CCDC91: variants seen among roughly 807,000 people sequenced by gnomAD.
CCDC91 encodes coiled-coil domain containing 91, also known as coiled-coil domain-containing protein 91.
Under a neutral mutation model 63.2 loss-of-function variants are expected in CCDC91, and 48 were observed. The observed-to-expected ratio is 0.76, with a 90% CI of 0.60 to 0.97. The LOEUF (loss-of-function observed/expected upper bound fraction) is 0.97. CCDC91 is among the 50% of genes least tolerant of loss of function. The pLI is 0.00. For synonymous variants in CCDC91, 167 were observed against 165.8 expected, an observed-to-expected ratio of 1.01 and a Z score of -0.06; for missense variants, 500 against 494.6, an observed-to-expected ratio of 1.01 and a Z score of -0.10.
Position 28,431,289 on chromosome 12 carries a change from A to G in CCDC91, c.763-18872A>G, listed in dbSNP as rs185607155. Among the ~76,000 whole-genome samples the G allele has an allele frequency of 7.2e-5, 11 of 152,200 alleles. 1 individual carries two copies. Among genetic ancestry groups the G allele is most frequent in the African/African-American group, 2.6e-4 (11 of 41,558 alleles). On this transcript the variant is annotated intron_variant, in intron 8 of 12. Coordinates refer to ENST00000536442, the MANE Select transcript of CCDC91 (RefSeq NM_018318.5). ...CATTTTGTTAACATACTGATTTTCC[A>G]TTGCTTGATCCATTGATTATTGAGA...
chr12:28,228,782 G>T (rs568407322), intron 1 of CCDC91, among the ~76,000 whole-genome samples: 1 of 152,084 alleles, frequency 6.6e-6, no homozygotes, highest in African/African-American at 2.4e-5. Flanking sequence ...AAACATGTTA[G>T]GTTAAAAGAA....
chr12:28,431,195 G>T lies in CCDC91; in HGVS notation c.763-18966G>T, dbSNP rs78656586. On this transcript the variant is annotated intron_variant, in intron 8 of 12. Transcript: ENST00000536442. Reference sequence around the variant, plus strand: ...TAAATGTTTCACATATGTTTGAAAAGAATGTATATTCTCCAACTGTTGGTT... The same window carrying T: ...TAAATGTTTCACATATGTTTGAAAATAATGTATATTCTCCAACTGTTGGTT... Among the ~76,000 whole-genome samples the T allele has an allele frequency of 2.6e-5, 4 of 152,188 alleles. No homozygotes were observed. The South Asian group carries it at 8.3e-4, about 32-fold the overall frequency.
At chr12:28,299,461 G>A (rs11049514) in intron 3 of CCDC91, among the ~76,000 whole-genome samples, 27,825 of 151,312 alleles carry the variant, frequency 0.18, 3,365 homozygotes, top group Non-Finnish European at 0.27. Flanking sequence ...ATGTGATCAG[G>A]TTATTCATTT....
At chr12:28,501,425 G>C (rs372904744) in intron 12 of CCDC91, among the ~76,000 whole-genome samples, 1 of 151,920 alleles carries the variant, frequency 6.6e-6, no homozygotes, top group Non-Finnish European at 1.5e-5. Flanking sequence ...AAGGGTTGTT[G>C]AATTTTGTCA....
At chr12:28,190,999 A>G (rs1350748345) in intron 1 of CCDC91, among the ~76,000 whole-genome samples, 1 of 152,240 alleles carries the variant, frequency 6.6e-6, no homozygotes, top group Admixed American at 6.5e-5. Flanking sequence ...TGCTTAGATT[A>G]CACAGAACGC....
At chr12:28,356,536 A>G (rs1273336654) in intron 6 of CCDC91, among the ~76,000 whole-genome samples, 2 of 152,124 alleles carry the variant, frequency 1.3e-5, no homozygotes, top group African/African-American at 4.8e-5. Context: ...CTTGCCCCAC[A>G]GATTTCCTTT....
intron 12 of CCDC91, among the ~76,000 whole-genome samples, chr12:28,486,961 CAAT>C (rs1388116056): frequency 1.3e-5 from 2 of 151,932 alleles, no homozygotes; most frequent in Non-Finnish European, 2.9e-5. Flanking sequence ...AGTAAGGACT[CAAT>C]AAATATGTGT....
chr12:28,304,411 A>AAAAAAAAAAAAAAAAAAAG, intron 3 of CCDC91, among the ~76,000 whole-genome samples: 1 of 141,720 alleles, frequency 7.1e-6, no homozygotes, highest in Non-Finnish European at 1.6e-5. Flanking sequence ...AGAAAAAAAA[A>AAAAAAAAAAAAAAAAAAAG]AAAAGAAAAA....
chr12:28,459,666 T>G (rs1287071706), intron 11 of CCDC91, among the ~76,000 whole-genome samples: 1 of 152,218 alleles, frequency 6.6e-6, no homozygotes, highest in African/African-American at 2.4e-5. Flanking sequence ...ATAATTACTT[T>G]CAGCTTCAGA....
At chr12:28,415,389 A>G (rs747057078) in intron 8 of CCDC91, among the ~76,000 whole-genome samples, 4 of 151,804 alleles carry the variant, frequency 2.6e-5, no homozygotes, top group Non-Finnish European at 5.9e-5. Context: ...GTGCCCGGCT[A>G]ATTTTTTATT....
At chr12:28,229,232 GCTT>G (rs1793716047) in intron 1 of CCDC91, among the ~76,000 whole-genome samples, 1 of 151,668 alleles carries the variant, frequency 6.6e-6, no homozygotes, top group Non-Finnish European at 1.5e-5. Context: ...TTTCAGACTG[GCTT>G]CTTTCTGGAG....
At chr12:28,525,448 C>T (rs1941174843) in intron 12 of CCDC91, among the ~76,000 whole-genome samples, 1 of 152,090 alleles carries the variant, frequency 6.6e-6, no homozygotes. Flanking sequence ...TTTTATTCCA[C>T]TGTGGTCTGA....
At chr12:28,460,147 C>G (rs527519784) in intron 11 of CCDC91, among the ~76,000 whole-genome samples, 7 of 152,228 alleles carry the variant, frequency 4.6e-5, no homozygotes, top group African/African-American at 1.4e-4. Context: ...ATGAGGAAAT[C>G]TTTAAAGCTG....
At chr12:28,409,248 AT>A (rs1466573405) in intron 8 of CCDC91, among the ~76,000 whole-genome samples, 1 of 151,952 alleles carries the variant, frequency 6.6e-6, no homozygotes, top group African/African-American at 2.4e-5. Flanking sequence ...TAAGCTGAGT[AT>A]TTTTCTTTCT....
intron 8 of CCDC91, among the ~76,000 whole-genome samples, chr12:28,440,715 T>C (rs1447841571): frequency 7.9e-5 from 12 of 151,750 alleles, no homozygotes; most frequent in South Asian, 2.1e-4. Flanking sequence ...AGTATATAAA[T>C]CAGTAATAAA....
intron 12 of CCDC91, among the ~76,000 whole-genome samples, chr12:28,510,237 A>ATGTGTGTGTGTGTGTGTG (rs60548491): frequency 7.8e-4 from 116 of 149,136 alleles, no homozygotes; most frequent in African/African-American, 2.8e-3. Context: ...TCAATAGGGC[A>ATGTGTGTGTGTGTGTGTG]TGTGTGTGTG....
chr12:28,405,424 A>G (rs991304426), intron 8 of CCDC91, among the ~76,000 whole-genome samples: 3 of 152,126 alleles, frequency 2.0e-5, no homozygotes, highest in Admixed American at 2.0e-4. Context: ...TATATGTTGC[A>G]TCAGTTAAGA....
intron 6 of CCDC91, among the ~76,000 whole-genome samples, chr12:28,337,942 C>T (rs1365121554): frequency 1.3e-5 from 2 of 151,732 alleles, no homozygotes; most frequent in African/African-American, 4.8e-5. Context: ...AATATTTTTC[C>T]TAATAATTTA....
intron 1 of CCDC91, among the ~76,000 whole-genome samples, chr12:28,200,451 C>T (rs12146720): frequency 0.24 from 34,244 of 142,076 alleles, 3,696 homozygotes; most frequent in Non-Finnish European, 0.29. Context: ...GTGTTTGTGT[C>T]CCTGGGTACT....
Sources: allele counts gnomAD v4.1 joint callset (sites outside exome capture counted in the v4.1 genomes callset), GRCh38; gene constraint gnomAD v4.1.1; transcripts MANE v1.5; gene names NCBI Gene and HGNC (gene_info 2026-07-23, HGNC 2026-07-21).